TAOK1: variants seen among roughly 807,000 people sequenced by gnomAD.
TAOK1 encodes the protein TAO kinase 1.
In TAOK1, 21 loss-of-function variants were observed where a neutral mutation model predicts 138.3. The ratio of observed to expected loss-of-function variants is 0.15; its 90% confidence interval spans 0.11 to 0.22. The LOEUF (loss-of-function observed/expected upper bound fraction) is 0.22, where lower values mean the gene tolerates loss of function less well. TAOK1 is among the 10% of genes least tolerant of loss of function. TAOK1 has a pLI of 1.00. For synonymous variants in TAOK1, 361 were observed against 398.4 expected (o/e 0.91, Z 1.12); for missense variants, 651 against 1,227.7 (o/e 0.53, Z 7.02).
chr17:29,425,409 T>C (rs1905603928), intron 1 of TAOK1, among the ~76,000 whole-genome samples: 1 of 151,000 alleles, frequency 6.6e-6, no homozygotes. Flanking sequence ...CCAGGCTTGG[T>C]GGCTCCTGCC....
intron 1 of TAOK1, among the ~76,000 whole-genome samples, chr17:29,396,243 C>G (rs1044841957): frequency 1.3e-5 from 2 of 152,060 alleles, no homozygotes; most frequent in Non-Finnish European, 2.9e-5. Flanking sequence ...CTGTATCAGT[C>G]TATTTGTGCC....
At chr17:29,399,368 T>A (rs1904766982) in intron 1 of TAOK1, among the ~76,000 whole-genome samples, 1 of 152,204 alleles carries the variant, frequency 6.6e-6, no homozygotes, top group Non-Finnish European at 1.5e-5. Context: ...CAGGATGGAG[T>A]GCAGTGGCAC....
At chr17:29,395,824 A>ATTTTTTTTTTTTTTTTTTTTT (rs1187461666) in intron 1 of TAOK1, among the ~76,000 whole-genome samples, 2 of 72,106 alleles carry the variant, frequency 2.8e-5, no homozygotes, top group African/African-American at 1.3e-4. Flanking sequence ...CGTCTGGCTA[A>ATTTTTTTTTTTTTTTTTTTTT]TTTTTTTTTT....
chr17:29,464,403 C>T (rs1188807346), intron 2 of TAOK1, among the ~76,000 whole-genome samples: 3 of 148,846 alleles, frequency 2.0e-5, no homozygotes, highest in South Asian at 2.1e-4. Flanking sequence ...AAGATCGCAG[C>T]GCTGCACTCC....
chr17:29,519,457 T>G (rs1280696684), intron 16 of TAOK1, among the ~76,000 whole-genome samples: 6 of 151,636 alleles, frequency 4.0e-5, no homozygotes, highest in African/African-American at 9.7e-5. Context: ...AGGCGGAGGT[T>G]GCAGTGAGCT....
Position 29,543,760 on chromosome 17 carries a change from GTCCAT to G in TAOK1, c.*741_*745del, listed in dbSNP as rs1282466270. ...CGTCATAGGCTTGTGAGTGATTTTT[GTCCAT>G]TCAATTGTGCCTTCTTTGTATTATG... is the stretch of plus-strand genomic sequence containing the variant. On this transcript the variant is annotated 3_prime_UTR_variant, in exon 20 of 20. Coordinates refer to ENST00000261716, the MANE Select transcript of TAOK1 (RefSeq NM_020791.4). The G allele has an allele frequency of 1.3e-5, 2 of 151,952 alleles. No individual in the cohort carries two copies. The highest frequency in any genetic ancestry group is 4.8e-5 in the African/African-American group (2 of 41,380). 9.4% of individuals were successfully genotyped at this position (151,952 alleles called of 1,614,324 possible).
At chr17:29,456,658 A>T (rs2030384416) in intron 2 of TAOK1, among the ~76,000 whole-genome samples, 1 of 150,632 alleles carries the variant, frequency 6.6e-6, no homozygotes, top group Non-Finnish European at 1.5e-5. Context: ...TTGAAATCTG[A>T]AACACTTCTG....
rs959535147 is a variant in TAOK1, at chr17:29,407,456, A to AT, written c.-95+16439dup. Among the ~76,000 whole-genome samples the AT allele has an allele frequency of 2.2e-4, 33 of 151,518 alleles. 1 individual carries two copies. The highest frequency in any genetic ancestry group is 6.3e-4 in the African/African-American group (26 of 41,276). On this transcript the variant is annotated intron_variant, in intron 1 of 19. Transcript: ENST00000261716. ...GGAGATAATCTTTTTTTATTTTTAT[A>AT]TTTTTTTGAGACAGAGTCTCACTCT... is the stretch of plus-strand genomic sequence containing the variant.
chr17:29,431,236 T>A (rs1351008210), intron 1 of TAOK1, among the ~76,000 whole-genome samples: 1 of 152,060 alleles, frequency 6.6e-6, no homozygotes, highest in Admixed American at 6.6e-5. Flanking sequence ...CGCTCTGGAG[T>A]TTGAGGCCAG....
intron 10 of TAOK1, among the ~76,000 whole-genome samples, chr17:29,492,519 G>A (rs867250269): frequency 3.9e-5 from 6 of 152,052 alleles, no homozygotes; most frequent in Admixed American, 6.6e-5. Context: ...TTAGCCAGGC[G>A]CGGTGGCTCA....
intron 1 of TAOK1, among the ~76,000 whole-genome samples, chr17:29,448,163 T>C (rs1303691632): frequency 6.6e-6 from 1 of 151,850 alleles, no homozygotes; most frequent in Non-Finnish European, 1.5e-5. Flanking sequence ...AATTTACTCA[T>C]ATTTCCTCCC....
chr17:29,459,699 C>G (rs1052602085), intron 2 of TAOK1, among the ~76,000 whole-genome samples: 15 of 152,146 alleles, frequency 9.9e-5, no homozygotes, highest in African/African-American at 3.6e-4. Context: ...AATAGTGCTG[C>G]AATAAACATG....
At chr17:29,467,524 G>A (rs540729399) in intron 3 of TAOK1, among the ~76,000 whole-genome samples, 1 of 152,206 alleles carries the variant, frequency 6.6e-6, no homozygotes, top group East Asian at 1.9e-4. Flanking sequence ...TGCCCGCCTT[G>A]GCCTCCCAAA....
intron 10 of TAOK1, among the ~76,000 whole-genome samples, chr17:29,492,769 G>A (rs1005130235): frequency 2.6e-5 from 4 of 152,078 alleles, no homozygotes; most frequent in African/African-American, 9.7e-5. Flanking sequence ...TCCAGCCTGG[G>A]CAACAAGGGC....
chr17:29,526,019 C>T (rs148615002), intron 17 of TAOK1, among the ~76,000 whole-genome samples: 7,077 of 152,046 alleles, frequency 0.047, 559 homozygotes, highest in African/African-American at 0.16. Flanking sequence ...AATGTCCGGG[C>T]GTGGTGGCTC....
At position 29,482,504 on chromosome 17, in the gene TAOK1, A is replaced by C. The variant is rs114411509; in HGVS notation, c.655+216A>C. 8.5e-3 allele frequency among the ~76,000 whole-genome samples: 1,299 copies of C among 152,270 alleles called. 22 individuals carry two copies. Among genetic ancestry groups the C allele is most frequent in the African/African-American group, 0.03 (1,231 of 41,552 alleles). On this transcript the variant is annotated intron_variant, in intron 8 of 19. Transcript: ENST00000261716. ...TGCTCTGTTCCATTATATCTAAAATAATTTTCCACTGTGGTTTTAATTAAG... is the reference window on the plus strand; with the variant it reads ...TGCTCTGTTCCATTATATCTAAAATCATTTTCCACTGTGGTTTTAATTAAG...
At chr17:29,482,462 G>T (rs2031084049) in intron 8 of TAOK1, among the ~76,000 whole-genome samples, 174 bp downstream of exon 8, 1 of 151,966 alleles carries the variant, frequency 6.6e-6, no homozygotes, top group African/African-American at 2.4e-5. Flanking sequence ...TTATATTAGG[G>T]TTACCTATAT....
At chr17:29,397,821 A>T (rs1342241798) in intron 1 of TAOK1, among the ~76,000 whole-genome samples, 2 of 150,812 alleles carry the variant, frequency 1.3e-5, no homozygotes, top group Non-Finnish European at 2.9e-5. Context: ...ATATGTATAT[A>T]CATGTATATA....
chr17:29,517,021 C>T (rs999013041), intron 15 of TAOK1, among the ~76,000 whole-genome samples: 12 of 150,624 alleles, frequency 8.0e-5, no homozygotes, highest in Non-Finnish European at 1.5e-4. Context: ...GAGTCTCGCT[C>T]TGTCACCCAG....
Sources: allele counts gnomAD v4.1 joint callset (sites outside exome capture counted in the v4.1 genomes callset), GRCh38; gene constraint gnomAD v4.1.1; transcripts MANE v1.5; gene names NCBI Gene and HGNC (gene_info 2026-07-23, HGNC 2026-07-21).